Variants in RETREG2 observed in about 807,000 individuals in gnomAD.
RETREG2 encodes the protein reticulophagy regulator 2.
A neutral mutation model predicts 51.6 loss-of-function variants in RETREG2; 21 were observed. The ratio of observed to expected loss-of-function variants is 0.41; its 90% CI spans 0.29 to 0.59. The LOEUF (loss-of-function observed/expected upper bound fraction) is 0.59, where lower values mean the gene tolerates loss of function less well. Ranked by LOEUF, RETREG2 falls within the 20% of genes least tolerant of loss-of-function variation. RETREG2 has a pLI of 0.34. For synonymous variants in RETREG2, 339 were observed against 288.6 expected (o/e 1.17, Z -1.77); for missense variants, 674 against 646.0 (o/e 1.04, Z -0.47).
chr2:219,180,216 C>G lies in RETREG2; in HGVS notation c.526C>G (p.Leu176Val). 1.2e-6 allele frequency: 2 copies of G among 1,614,200 alleles called. No individual in the cohort carries two copies. The highest frequency in any genetic ancestry group is 1.7e-6 in the Non-Finnish European group (2 of 1,180,032). Residue 176 changes from leucine to valine, a missense_variant, in exon 4 of 9, where the codon CTG becomes GTG. Coordinates refer to ENST00000430297, the MANE Select transcript of RETREG2 (RefSeq NM_024293.6). ...CTTCCAGATTCACCTGCAGGAGCTG[C>G]TGCAGTACAAGAGGCAGAATCCAGC... ...LTFQIHLQEL[L>V]QYKRQNPAQF...
At position 219,182,539 on chromosome 2, in the gene RETREG2, G is replaced by T. The variant is rs774389823; in HGVS notation, c.1542G>T (p.Pro514=). 6.2e-7 allele frequency: 1 copy of T among 1,614,140 alleles called. No homozygotes were observed. Among genetic ancestry groups the T allele is most frequent in the Non-Finnish European group, 8.5e-7 (1 of 1,180,018 alleles). Residue 514 remains proline (P), a synonymous_variant, in exon 9 of 9, where the codon CCG becomes CCT. Transcript: ENST00000430297. Reference sequence around the variant, plus strand: ...AGCTGGGCTTGGAGCCAGAGACACCGCCAAAACCCCCTGATGCTCCACCCC... The same window carrying T: ...AGCTGGGCTTGGAGCCAGAGACACCTCCAAAACCCCCTGATGCTCCACCCC... ...NAELGLEPET[P]PKPPDAPPLG...
chr2:219,180,181 G>C lies in RETREG2; in HGVS notation c.491G>C (p.Ser164Thr). The C allele has an allele frequency of 6.2e-7, 1 of 1,614,210 alleles. No homozygotes were observed. The highest frequency in any genetic ancestry group is 1.1e-5 in the South Asian group (1 of 91,088). The change falls in exon 4 of 9, where the codon AGC becomes ACC. Residue 164 changes from serine (S) to threonine (T), a missense_variant. Ser to Thr is a moderately conservative substitution (Grantham distance 58). Coordinates refer to ENST00000430297, the MANE Select transcript of RETREG2 (RefSeq NM_024293.6). The stretch of plus-strand genomic sequence containing the variant: ...GAGTTGTGCAGATACCTGGCTGAGA[G>C]CTGGCTCACCTTCCAGATTCACCTG... ...VPELCRYLAE[S>T]WLTFQIHLQE...
Position 219,178,477 on chromosome 2 carries a change from A to T in RETREG2, c.125A>T (p.Glu42Val), listed in dbSNP as rs867181326. Residue 42 changes from glutamate to valine, a missense_variant, in exon 1 of 9, where the codon GAG (glutamate) becomes GTG (valine). Glu to Val is a moderately radical substitution (Grantham distance 121). Coordinates refer to ENST00000430297, the MANE Select transcript of RETREG2 (RefSeq NM_024293.6). Reference sequence around the variant, plus strand: ...GAGGCCACCAGTGAGGCAGAGGAGGAGGCGGCCACGGCCGAGGCGGTGGGA... The same window carrying T: ...GAGGCCACCAGTGAGGCAGAGGAGGTGGCGGCCACGGCCGAGGCGGTGGGA... ...MSEATSEAEE[E>V]AATAEAVGRL... 10 of 1,075,234 alleles carry T rather than the reference A, an allele frequency of 9.3e-6. No individual in the cohort carries two copies. The Middle Eastern group carries it at 1.8e-3, about 197-fold the overall frequency. 66.6% of individuals were successfully genotyped at this position (1,075,234 alleles called of 1,614,324 possible). A position where few individuals can be genotyped will look rare whatever the true frequency, so the allele number is the denominator to read the frequency against.
At chr2:219,180,575 C>T in intron 4 of RETREG2, 95 bp from the exon 5 acceptor site, 12 of 1,598,240 alleles carry the variant, frequency 7.5e-6, no homozygotes, top group Non-Finnish European at 1.0e-5. Flanking sequence ...TGAGTACATA[C>T]CCATCCTTCT....
chr2:219,182,803 C>T lies in RETREG2; in HGVS notation c.*174C>T, dbSNP rs548348709. On this transcript the variant is annotated 3_prime_UTR_variant, in exon 9 of 9. Transcript: ENST00000430297. ...CCTGCCTGCTGTCCTGGGCATGGTG[C>T]AGTACCTGTGCCTAGGATTGGTTTT... 5 of 686,494 alleles carry T rather than the reference C, an allele frequency of 7.3e-6. No individual in the cohort carries two copies. The highest frequency in any genetic ancestry group is 1.8e-5 in the African/African-American group (1 of 55,658). The allele number at this position is 686,494 out of a possible 1,614,324, so 42.5% of individuals were successfully genotyped here.
chr2:219,181,504 G>C, intron 7 of RETREG2, 41 bp downstream of exon 7: 1 of 1,610,188 alleles, frequency 6.2e-7, no homozygotes, highest in African/African-American at 1.3e-5. Context: ...TAGAAAGCCA[G>C]AGGAAAAATC....
chr2:219,179,432 A>G (rs1950243700), intron 2 of RETREG2, among the ~76,000 whole-genome samples: 1 of 152,272 alleles, frequency 6.6e-6, no homozygotes, highest in African/African-American at 2.4e-5. Flanking sequence ...AGTGTTTCAC[A>G]TATAAGCCTT....
intron 3 of RETREG2, 145 bp downstream of exon 3, chr2:219,179,908 T>A: frequency 8.7e-7 from 1 of 1,146,628 alleles, no homozygotes. Context: ...TAGGCTCCTG[T>A]GTAGGTGTTT....
In RETREG2 at chr2:219,182,048, G is replaced by A. The variant is rs778357579; in HGVS notation, c.1051G>A (p.Glu351Lys). The change falls in exon 9 of 9, where the codon GAG (glutamate) becomes AAG (lysine). Residue 351 changes from glutamate to lysine, a missense_variant. Physicochemically the swap from Glu to Lys is moderately conservative, Grantham distance 56. Transcript: ENST00000430297. ...GCAGAGCCTGCCAAGTGAACCAGAG[G>A]AGACCCTAAGCCGGGACCTAGGGGA... is the stretch of plus-strand genomic sequence containing the variant. ...DQQSLPSEPE[E>K]TLSRDLGEGE... 1.2e-6 allele frequency: 2 copies of A among 1,613,994 alleles called. No homozygotes were observed. The highest frequency in any genetic ancestry group is 1.7e-6 in the Non-Finnish European group (2 of 1,180,016).
rs371467755 is a variant in RETREG2, at chr2:219,181,500, G to A, written c.879+37G>A. ...GGAAAGCGGGGGTGTCAAATAGAAA[G>A]CCAGAGGAAAAATCTTTCTGCTTTG... On this transcript the variant is annotated intron_variant, in intron 7 of 8. Transcript: ENST00000430297. 8.1e-6 allele frequency: 13 copies of A among 1,610,876 alleles called. 1 individual carries two copies. The highest frequency in any genetic ancestry group is 2.2e-5 in the South Asian group (2 of 90,970).
At chr2:219,181,802 T>A in intron 8 of RETREG2, 27 bp downstream of exon 8, 1 of 1,589,702 alleles carries the variant, frequency 6.3e-7, no homozygotes, top group Non-Finnish European at 8.6e-7. Flanking sequence ...GCTGCCCTGC[T>A]CCCCGCCACA....
intron 4 of RETREG2, 113 bp downstream of exon 4, chr2:219,180,358 C>T: frequency 1.4e-6 from 2 of 1,401,200 alleles, no homozygotes; most frequent in Non-Finnish European, 2.0e-6. Flanking sequence ...AAAGAAGAGG[C>T]CTGGGCGCCT....
chr2:219,181,906 C>A, intron 8 of RETREG2, 107 bp from the exon 9 acceptor site: 1 of 1,557,646 alleles, frequency 6.4e-7, no homozygotes, highest in Admixed American at 1.9e-5. Context: ...ACACCTAAGG[C>A]TTGGCCCAGC....
chr2:219,178,739 A>G, intron 1 of RETREG2, 106 bp downstream of exon 1: 2 of 1,312,000 alleles, frequency 1.5e-6, no homozygotes, highest in South Asian at 1.5e-5. Flanking sequence ...GGCATGACCC[A>G]TCCCCAGTTT....
rs1279073516 is a variant in RETREG2 at position 219,180,711 on chromosome 2, G to A, written c.597G>A (p.Val199=). Residue 199 remains valine, a synonymous_variant, in exon 5 of 9, where the codon GTG becomes GTA. Coordinates refer to ENST00000430297, the MANE Select transcript of RETREG2 (RefSeq NM_024293.6). The stretch of plus-strand genomic sequence containing the variant: ...GCTCTGGCTGTGCTGTGTTGGCTGT[G>A]TTGGGACACTATGTTCCAGGGATTA... ...RVCSGCAVLA[V]LGHYVPGIMI... 1.9e-6 allele frequency: 3 copies of A among 1,614,134 alleles called. No homozygotes were observed. The highest frequency in any genetic ancestry group is 1.6e-4 in the Middle Eastern group (1 of 6,062).
rs1002407603 is a variant in RETREG2 at position 219,183,333 on chromosome 2, ACT to A, written c.*705_*706del. 1 of 152,462 alleles carries A rather than the reference ACT, an allele frequency of 6.6e-6. No homozygotes were observed. Among genetic ancestry groups the A allele is most frequent in the Non-Finnish European group, 1.5e-5 (1 of 68,214 alleles). The allele number at this position is 152,462 out of a possible 1,614,324, so 9.4% of individuals were successfully genotyped here. A position where few individuals can be genotyped will look rare whatever the true frequency, so the allele number is the denominator to read the frequency against. On this transcript the variant is annotated 3_prime_UTR_variant, in exon 9 of 9. Transcript: ENST00000430297. ...GGATCCCGCAGTACATGGCGCCAGC[ACT>A]GGAGTTGGTGAGCATGTGCTCTCTC...
chr2:219,180,075 C>T, intron 3 of RETREG2, 35 bp from the exon 4 acceptor site: 4 of 1,611,644 alleles, frequency 2.5e-6, no homozygotes, highest in East Asian at 2.2e-5. Context: ...AAGCTGGTAT[C>T]TGAGGCCTCC....
At chr2:219,180,080 G>A in intron 3 of RETREG2, 30 bp from the exon 4 acceptor site, 1 of 1,611,662 alleles carries the variant, frequency 6.2e-7, no homozygotes. Flanking sequence ...GGTATCTGAG[G>A]CCTCCAGGGG....
Position 219,178,591 on chromosome 2 carries a change from T to C in RETREG2, c.239T>C (p.Leu80Pro). The C allele has an allele frequency of 6.8e-7, 1 of 1,466,438 alleles. No individual in the cohort carries two copies. Among genetic ancestry groups the C allele is most frequent in the Non-Finnish European group, 8.9e-7 (1 of 1,118,060 alleles). The allele number at this position is 1,466,438 out of a possible 1,614,324, so 90.8% of individuals were successfully genotyped here. ...AQRLLVWEKP[L>P]HSLVTAAALN... ...CGGTTGCTGGTGTGGGAGAAGCCGC[T>C]GCACAGCCTGGTCACGGCGGCCGCG... Residue 80 changes from leucine (L) to proline (P), a missense_variant, in exon 1 of 9, where the codon CTG becomes CCG. Transcript: ENST00000430297.
Sources: gnomAD v4.1 joint callset for allele counts (sites outside exome capture counted in the v4.1 genomes callset) on GRCh38, gnomAD v4.1.1 for gene constraint, MANE v1.5 for transcripts, NCBI Gene and HGNC (gene_info 2026-07-23, HGNC 2026-07-21) for gene names.